The following NDUFA5 variants were observed in gnomAD, a reference collection of about 807,000 sequenced individuals.
NDUFA5 encodes NADH:ubiquinone oxidoreductase subunit A5, also known as NADH dehydrogenase [ubiquinone] 1 alpha subcomplex subunit 5.
A neutral mutation model predicts 19.8 loss-of-function variants in NDUFA5; 11 were observed. That is an observed-to-expected ratio of 0.56 (90% CI 0.35 to 0.92). NDUFA5 has a LOEUF of 0.92. Among genes scored for constraint, NDUFA5 ranks in the 40% least tolerant of loss-of-function variants. The pLI is 0.01. For synonymous variants in NDUFA5, 47 were observed against 46.8 expected, an observed-to-expected ratio of 1.00 and a Z score of -0.01; for missense variants, 109 against 134.2, an observed-to-expected ratio of 0.81 and a Z score of 0.93.
At chr7:123,600,814 A>G in the NDUFA5 span, among the ~76,000 whole-genome samples, 1 of 152,166 alleles carries the variant, frequency 6.6e-6, no homozygotes, top group Non-Finnish European at 1.5e-5. Context: ...ACTACAATCC[A>G]CGTATTTATA....
At chr7:123,551,580 T>C (rs1479281843) in intron 2 of NDUFA5, 3 of 836,320 alleles carry the variant, frequency 3.6e-6, no homozygotes, top group African/African-American at 1.9e-5. Context: ...TGAATTTCTG[T>C]AGAAATAAAC....
upstream of NDUFA5, among the ~76,000 whole-genome samples, chr7:123,560,277 A>G (rs1484499384): frequency 6.6e-6 from 1 of 152,174 alleles, no homozygotes; most frequent in Non-Finnish European, 1.5e-5. Flanking sequence ...CAAGACAAAT[A>G]TTTTTCCACT....
the NDUFA5 span, among the ~76,000 whole-genome samples, chr7:123,564,629 TACACATAC>T: frequency 1.3e-5 from 2 of 152,100 alleles, no homozygotes; most frequent in Admixed American, 6.5e-5. Context: ...TGTGTGTATA[TACACATAC>T]ACACATACAC....
Position 123,540,890 on chromosome 7 carries a change from G to GCACACAAACACACACACACACA in NDUFA5, c.*1228_*1229insTGTGTGTGTGTGTGTTTGTGTG. On this transcript the variant is annotated 3_prime_UTR_variant, in exon 5 of 5. Transcript: ENST00000355749. ...TCTGAGCAAATGTGCGCATGCGCGT[G>GCACACAAACACACACACACACA]CACACACACACACACACACACACAC... The GCACACAAACACACACACACACA allele has an allele frequency of 7.5e-6, 1 of 133,830 alleles. No homozygotes were observed. The highest frequency in any genetic ancestry group is 3.0e-5 in the African/African-American group (1 of 33,802). 8.3% of individuals were successfully genotyped at this position (133,830 alleles called of 1,614,324 possible). A position where few individuals can be genotyped will look rare whatever the true frequency, so the allele number is the denominator to read the frequency against.
At chr7:123,578,214 A>T in the NDUFA5 span, among the ~76,000 whole-genome samples, 1 of 150,388 alleles carries the variant, frequency 6.6e-6, no homozygotes, top group Non-Finnish European at 1.5e-5. Flanking sequence ...TACTGTTTTC[A>T]CTATTCACAA....
the NDUFA5 span, among the ~76,000 whole-genome samples, chr7:123,594,418 C>T: frequency 7.2e-5 from 11 of 152,098 alleles, no homozygotes; most frequent in African/African-American, 2.4e-4. Context: ...TTTGTGGTTT[C>T]ATTTGCCTTT....
the NDUFA5 span, among the ~76,000 whole-genome samples, chr7:123,600,214 G>A: frequency 1.3e-5 from 2 of 152,102 alleles, no homozygotes; most frequent in African/African-American, 4.8e-5. Flanking sequence ...AAGTGGTAAA[G>A]CAAGACGTGT....
At chr7:123,556,483 A>C (rs1241673262) in intron 2 of NDUFA5, 2 of 167,532 alleles carry the variant, frequency 1.2e-5, no homozygotes, top group East Asian at 3.7e-4. Context: ...AAATTTTAAA[A>C]GTGGGCATAA....
the NDUFA5 span, among the ~76,000 whole-genome samples, chr7:123,566,346 G>T: frequency 6.6e-6 from 1 of 152,184 alleles, no homozygotes; most frequent in Non-Finnish European, 1.5e-5. Flanking sequence ...TGGACCTCTA[G>T]CCTCCAGAAT....
At position 123,537,169 on chromosome 7, in the gene NDUFA5, C is replaced by T. The variant is rs998582033; in HGVS notation, c.*4950G>A. The T allele has an allele frequency of 2.0e-5, 3 of 152,170 alleles. No individual in the cohort carries two copies. Among genetic ancestry groups the T allele is most frequent in the African/African-American group, 7.2e-5 (3 of 41,452 alleles). 9.4% of individuals were successfully genotyped at this position (152,170 alleles called of 1,614,324 possible). A position where few individuals can be genotyped will look rare whatever the true frequency, so the allele number is the denominator to read the frequency against. Reference sequence around the variant, plus strand: ...TTCCACCAAACGACTTCGTATTTCTCATGAAACATCTACCTTTATTCATCT... The same window carrying T: ...TTCCACCAAACGACTTCGTATTTCTTATGAAACATCTACCTTTATTCATCT... On this transcript the variant is annotated 3_prime_UTR_variant, in exon 5 of 5. Transcript: ENST00000355749.
At chr7:123,557,653 G>A in intron 1 of NDUFA5, 122 bp downstream of exon 1, 1 of 1,613,792 alleles carries the variant, frequency 6.2e-7, no homozygotes, top group Non-Finnish European at 8.5e-7. Flanking sequence ...CATGCAGAAC[G>A]AGTCCCCGAA....
the NDUFA5 span, among the ~76,000 whole-genome samples, chr7:123,564,678 T>C: frequency 5.3e-5 from 8 of 151,646 alleles, no homozygotes; most frequent in Non-Finnish European, 8.8e-5. Flanking sequence ...CAAGTTACAA[T>C]GTTTTGACTT....
chr7:123,583,623 G>T, the NDUFA5 span, among the ~76,000 whole-genome samples: 2 of 151,936 alleles, frequency 1.3e-5, no homozygotes, highest in East Asian at 3.9e-4. Flanking sequence ...CATAAAGTAA[G>T]TCAAACAAAA....
chr7:123,577,223 C>A, the NDUFA5 span, among the ~76,000 whole-genome samples: 1 of 151,996 alleles, frequency 6.6e-6, no homozygotes, highest in Non-Finnish European at 1.5e-5. Context: ...GAGTTTTTCC[C>A]ATTATTGCAG....
chr7:123,552,195 GT>G (rs1229211292), intron 2 of NDUFA5, among the ~76,000 whole-genome samples: 1 of 150,856 alleles, frequency 6.6e-6, no homozygotes, highest in Admixed American at 6.6e-5. Context: ...AAAAAAATGT[GT>G]GCAGTCCTCA....
chr7:123,599,153 T>C, the NDUFA5 span, among the ~76,000 whole-genome samples: 1 of 152,052 alleles, frequency 6.6e-6, no homozygotes, highest in Admixed American at 6.6e-5. Flanking sequence ...GGAGAAAGCC[T>C]GAAATATACC....
the NDUFA5 span, among the ~76,000 whole-genome samples, chr7:123,580,400 G>A: frequency 6.6e-6 from 1 of 151,984 alleles, no homozygotes; most frequent in Non-Finnish European, 1.5e-5. Context: ...GCTAGGCACA[G>A]GAGAGGCTTT....
Position 123,545,683 on chromosome 7 carries a change from T to A in NDUFA5, c.184-7A>T, listed in dbSNP as rs763879171. 1 of 1,598,274 alleles carries A rather than the reference T, an allele frequency of 6.3e-7. No homozygotes were observed. Among genetic ancestry groups the A allele is most frequent in the South Asian group, 1.1e-5 (1 of 89,782 alleles). On this transcript the variant is annotated splice_region_variant and splice_polypyrimidine_tract_variant and intron_variant, in intron 3 of 4. Transcript: ENST00000355749. ...ATTTTTTAACATCTGGTTCCTATAA[T>A]TTCAGGGAGAAAAAAAATTAAAGAA...
chr7:123,583,427 CAG>C, the NDUFA5 span, among the ~76,000 whole-genome samples: 1 of 151,856 alleles, frequency 6.6e-6, no homozygotes, highest in African/African-American at 2.4e-5. Flanking sequence ...TCTTCTCTGA[CAG>C]TGGGTAATAC....
Sources: gnomAD v4.1 joint callset for allele counts (sites outside exome capture counted in the v4.1 genomes callset) on GRCh38, gnomAD v4.1.1 for gene constraint, MANE v1.5 for transcripts, NCBI Gene and HGNC (gene_info 2026-07-23, HGNC 2026-07-21) for gene names.